Variants in STK33 observed in about 807,000 individuals in gnomAD.
STK33 encodes serine/threonine kinase 33.
Under a neutral mutation model 58.0 loss-of-function variants are expected in STK33, and 52 were observed. The ratio of observed to expected loss-of-function variants is 0.90; its 90% CI spans 0.72 to 1.13. The LOEUF (loss-of-function observed/expected upper bound fraction) is 1.13, where lower values mean the gene tolerates loss of function less well. Ranked by LOEUF, STK33 falls within the 50% of genes most tolerant of loss-of-function variation. The probability of loss-of-function intolerance (pLI) is 0.00; values close to 1 mark genes in which losing one functional copy is unlikely to be tolerated. For missense variants in STK33, 630 were observed against 604.2 expected (o/e 1.04, Z -0.45); for synonymous variants, 215 against 200.1 (o/e 1.07, Z -0.63).
chr11:8,449,637 T>TTGG (rs1946015434), intron 11 of STK33, among the ~76,000 whole-genome samples: 2 of 60,456 alleles, frequency 3.3e-5, no homozygotes, highest in Admixed American at 1.8e-4. Context: ...TGTTGTGGGG[T>TTGG]GGGTGGGGGG....
the STK33 span, among the ~76,000 whole-genome samples, chr11:8,361,839 C>T: frequency 6.6e-6 from 1 of 152,342 alleles, no homozygotes; most frequent in Non-Finnish European, 1.5e-5. The surrounding 1 kb of genome is among the most constrained non-coding windows in gnomAD (Gnocchi z 4.8). Context: ...GGGCACCCAC[C>T]CCACCACTGC....
At chr11:8,550,512 T>C (rs1376466347) in intron 1 of STK33, among the ~76,000 whole-genome samples, 6 of 152,272 alleles carry the variant, frequency 3.9e-5, no homozygotes, top group Admixed American at 2.0e-4. Context: ...GCTTCCCTTA[T>C]AAAACTGAAT....
intron 1 of STK33, among the ~76,000 whole-genome samples, chr11:8,582,153 C>A (rs2030445015): frequency 6.6e-6 from 1 of 152,130 alleles, no homozygotes; most frequent in Non-Finnish European, 1.5e-5. Flanking sequence ...TCTTTGTTGG[C>A]TCTATTTTGA....
intron 1 of STK33, among the ~76,000 whole-genome samples, chr11:8,497,411 TA>T (rs1265939607): frequency 9.2e-5 from 14 of 152,204 alleles, no homozygotes; most frequent in African/African-American, 3.4e-4. Flanking sequence ...GATTAACAAC[TA>T]AATTGTCAAC....
the STK33 span, among the ~76,000 whole-genome samples, chr11:8,379,266 A>C: frequency 6.6e-6 from 1 of 152,206 alleles, no homozygotes; most frequent in Non-Finnish European, 1.5e-5. Context: ...ACCCAAAGTA[A>C]ATGCAACAAA....
intron 1 of STK33, among the ~76,000 whole-genome samples, chr11:8,492,299 A>T (rs1950686239): frequency 6.6e-6 from 1 of 152,216 alleles, no homozygotes; most frequent in African/African-American, 2.4e-5. Context: ...TTGCAATCCT[A>T]GTCTCTGATA....
At chr11:8,384,987 T>C in the STK33 span, among the ~76,000 whole-genome samples, 1 of 152,134 alleles carries the variant, frequency 6.6e-6, no homozygotes, top group African/African-American at 2.4e-5. Flanking sequence ...ACACTAGAAC[T>C]CTTCATTCCA....
chr11:8,398,194 T>C (rs1849717077), intron 15 of STK33, among the ~76,000 whole-genome samples: 1 of 152,168 alleles, frequency 6.6e-6, no homozygotes, highest in African/African-American at 2.4e-5. Context: ...GGAAAAAATG[T>C]TAAGGGCAGC....
intron 1 of STK33, among the ~76,000 whole-genome samples, chr11:8,502,992 T>A (rs1951626315): frequency 6.6e-6 from 1 of 152,070 alleles, no homozygotes; most frequent in Non-Finnish European, 1.5e-5. Context: ...AGTGGTGAGG[T>A]TGCAGAGAAA....
intron 1 of STK33, among the ~76,000 whole-genome samples, chr11:8,561,200 T>G (rs1957088981): frequency 6.6e-6 from 1 of 152,078 alleles, no homozygotes; most frequent in Admixed American, 6.5e-5. Flanking sequence ...CTTAGATGAT[T>G]AATTTTACTC....
chr11:8,587,206 G>C (rs997076996), intron 1 of STK33, among the ~76,000 whole-genome samples: 4 of 152,124 alleles, frequency 2.6e-5, no homozygotes, highest in Non-Finnish European at 5.9e-5. Flanking sequence ...AGACTCTATG[G>C]AGTTTTTTTA....
At chr11:8,546,347 T>C (rs1431142822) in intron 1 of STK33, among the ~76,000 whole-genome samples, 1 of 152,236 alleles carries the variant, frequency 6.6e-6, no homozygotes, top group Non-Finnish European at 1.5e-5. Flanking sequence ...ATGGGGTACC[T>C]GTGAGATTTT....
chr11:8,379,263 G>A, the STK33 span, among the ~76,000 whole-genome samples: 150 of 152,120 alleles, frequency 9.9e-4, no homozygotes, highest in African/African-American at 3.6e-3. Flanking sequence ...AGAACCCAAA[G>A]TAAATGCAAC....
At position 8,586,622 on chromosome 11, in the gene STK33, C is replaced by G. The variant is rs181638635; in HGVS notation, c.-466+7461G>C. 4.1e-3 allele frequency among the ~76,000 whole-genome samples: 621 copies of G among 151,954 alleles called. 3 individuals carry two copies. The highest frequency in any genetic ancestry group is 6.3e-3 in the Non-Finnish European group (431 of 67,934). Reference sequence around the variant, plus strand: ...GTGGATCACTTGAGGTCAGGAGTTTCAGACCAGCCTGGCCAACATGGTGAA... The same window carrying G: ...GTGGATCACTTGAGGTCAGGAGTTTGAGACCAGCCTGGCCAACATGGTGAA... On this transcript the variant is annotated intron_variant, in intron 1 of 15. Coordinates refer to ENST00000687296, the MANE Select transcript of STK33 (RefSeq NM_001352389.2).
chr11:8,465,674 C>G (rs915392178), intron 6 of STK33: 3 of 152,280 alleles, frequency 2.0e-5, no homozygotes, highest in Admixed American at 1.3e-4. Flanking sequence ...TGAACTAATG[C>G]CACTAGGTAA....
At chr11:8,520,010 T>C (rs1479713307) in intron 1 of STK33, among the ~76,000 whole-genome samples, 1 of 152,214 alleles carries the variant, frequency 6.6e-6, no homozygotes, top group East Asian at 1.9e-4. Flanking sequence ...AGCATCATCC[T>C]GATACCAAAG....
intron 1 of STK33, among the ~76,000 whole-genome samples, chr11:8,577,397 C>A (rs1958266408): frequency 1.3e-5 from 2 of 152,036 alleles, no homozygotes; most frequent in African/African-American, 4.8e-5. Context: ...AAAACTAAGT[C>A]TTAACTCAAA....
At chr11:8,336,303 A>G in the STK33 span, among the ~76,000 whole-genome samples, 1 of 152,250 alleles carries the variant, frequency 6.6e-6, no homozygotes, top group African/African-American at 2.4e-5. Context: ...TGGGGGTTAG[A>G]GTTCCCACCC....
At chr11:8,387,879 G>A (rs915695810), downstream of STK33, among the ~76,000 whole-genome samples, 9 of 129,354 alleles carry the variant, frequency 7.0e-5, no homozygotes, top group African/African-American at 2.7e-4. Flanking sequence ...ACAACTTTTT[G>A]TGCTGACTGA....
Sources: gnomAD v4.1 joint callset for allele counts (sites outside exome capture counted in the v4.1 genomes callset) on GRCh38, gnomAD v4.1.1 for gene constraint, Gnocchi (gnomAD v3.1) non-coding constraint, MANE v1.5 for transcripts, NCBI Gene and HGNC (gene_info 2026-07-23, HGNC 2026-07-21) for gene names.